Variants in ENTHD1 observed in about 807,000 individuals in gnomAD.
The protein encoded by ENTHD1 is ENTH domain-containing protein 1.
ENTHD1 carries 23 observed loss-of-function variants against 39.1 expected under a neutral mutation model. That is an observed-to-expected ratio of 0.59 (90% CI 0.42 to 0.83). The LOEUF is 0.83. Ranked by LOEUF, ENTHD1 falls within the 40% of genes least tolerant of loss-of-function variation. The pLI is 0.00. For synonymous variants in ENTHD1, 230 were observed against 258.2 expected, an observed-to-expected ratio of 0.89 and a Z score of 1.05; for missense variants, 624 against 705.4, an observed-to-expected ratio of 0.88 and a Z score of 1.31.
At chr22:39,765,961 A>G (rs2065273069) in intron 5 of ENTHD1, among the ~76,000 whole-genome samples, 1 of 147,690 alleles carries the variant, frequency 6.8e-6, no homozygotes, top group African/African-American at 2.5e-5. Flanking sequence ...TTTTTACAAG[A>G]TAAACTAGGG....
intron 5 of ENTHD1, among the ~76,000 whole-genome samples, chr22:39,768,654 T>C (rs1261643481): frequency 3.3e-5 from 5 of 152,184 alleles, no homozygotes; most frequent in Non-Finnish European, 7.3e-5. Context: ...TCCTGCATTC[T>C]GACTTTATAA....
At chr22:39,829,303 T>G (rs1411620414) in intron 4 of ENTHD1, among the ~76,000 whole-genome samples, 1 of 151,544 alleles carries the variant, frequency 6.6e-6, no homozygotes, top group Non-Finnish European at 1.5e-5. Context: ...TGAAATAAGA[T>G]GTAATGTAGA....
chr22:39,806,748 A>G (rs968452085), intron 5 of ENTHD1, among the ~76,000 whole-genome samples: 2 of 152,148 alleles, frequency 1.3e-5, no homozygotes, highest in African/African-American at 4.8e-5. Context: ...GTGTCTTCAG[A>G]GCCCAGAGGA....
intron 5 of ENTHD1, among the ~76,000 whole-genome samples, chr22:39,818,535 G>T (rs1452791840): frequency 1.3e-5 from 2 of 152,196 alleles, no homozygotes; most frequent in African/African-American, 4.8e-5. Context: ...GGCAGTTTTA[G>T]GTGATGAAGC....
chr22:39,830,014 G>C (rs1203060692), intron 4 of ENTHD1, among the ~76,000 whole-genome samples: 1 of 152,002 alleles, frequency 6.6e-6, no homozygotes, highest in Admixed American at 6.6e-5. Flanking sequence ...CCAAGTAGCT[G>C]GAACTACAGA....
At chr22:39,852,786 C>T (rs1226918311) in intron 3 of ENTHD1, among the ~76,000 whole-genome samples, 1 of 152,182 alleles carries the variant, frequency 6.6e-6, no homozygotes, top group Non-Finnish European at 1.5e-5. Context: ...GTATCATACA[C>T]GCAGTCCACC....
chr22:39,787,951 C>G (rs2065473012), intron 5 of ENTHD1, among the ~76,000 whole-genome samples: 1 of 152,108 alleles, frequency 6.6e-6, no homozygotes, highest in Non-Finnish European at 1.5e-5. Context: ...TGCTCCTTTC[C>G]CATTCCAAAA....
Position 39,887,670 on chromosome 22 carries a change from T to C in ENTHD1, c.79A>G (p.Asn27Asp), listed in dbSNP as rs374987068. The stretch of plus-strand genomic sequence containing the variant: ...GAACTAGAGGGACCCCAAGGGTCGT[T>C]AGAAGTTGCTTCCCTGACTTTTATT... Reference protein sequence around the residue: ...AEIKVREATSNDPWGPSSSLM... With the variant: ...AEIKVREATSDDPWGPSSSLM... The change falls in exon 2 of 7, where the codon AAC becomes GAC. Residue 27 changes from asparagine to aspartate, a missense_variant. By Grantham distance (23) the Asn-to-Asp change is conservative. Transcript: ENST00000325157. 2 of 1,605,088 alleles carry C rather than the reference T, an allele frequency of 1.2e-6. No homozygotes were observed. The highest frequency in any genetic ancestry group is 4.5e-5 in the East Asian group (2 of 44,836).
At chr22:39,856,869 G>A (rs77389521) in intron 3 of ENTHD1, among the ~76,000 whole-genome samples, 2,737 of 124,860 alleles carry the variant, frequency 0.022, 83 homozygotes, top group African/African-American at 0.066. Context: ...AAAAAAAAAA[G>A]AAAGAAAGAA....
At chr22:39,850,602 T>C (rs2066027360) in intron 3 of ENTHD1, among the ~76,000 whole-genome samples, 1 of 152,192 alleles carries the variant, frequency 6.6e-6, no homozygotes, top group Non-Finnish European at 1.5e-5. Flanking sequence ...TTCCACTTTA[T>C]GCTTTTTGCC....
At chr22:39,875,900 C>G in intron 2 of ENTHD1, 2 of 1,613,892 alleles carry the variant, frequency 1.2e-6, no homozygotes, top group Admixed American at 1.7e-5. Flanking sequence ...TGATCTAGAT[C>G]GAGTAAAGAA....
rs1484949691 is a variant in ENTHD1 at position 39,887,850 on chromosome 22, C to G, written c.-102G>C. 1 of 734,230 alleles carries G rather than the reference C, an allele frequency of 1.4e-6. No individual in the cohort carries two copies. The highest frequency in any genetic ancestry group is 2.2e-6 in the Non-Finnish European group (1 of 462,222). The allele number at this position is 734,230 out of a possible 1,614,324, so 45.5% of individuals were successfully genotyped here. On this transcript the variant is annotated 5_prime_UTR_variant, in exon 2 of 7. Transcript: ENST00000325157. ...CTTGACAGGTAATTGGTCCCCAGTT[C>G]TGCTGCTCCCAAATACAAATAATTA... is the stretch of plus-strand genomic sequence containing the variant.
chr22:39,851,679 A>T (rs1476184447), intron 3 of ENTHD1, among the ~76,000 whole-genome samples: 2 of 152,180 alleles, frequency 1.3e-5, no homozygotes, highest in Non-Finnish European at 2.9e-5. Context: ...CAGCCCCCAA[A>T]CTCATTCTCT....
At chr22:39,760,039 T>G (rs1156321967) in intron 6 of ENTHD1, among the ~76,000 whole-genome samples, 2 of 152,074 alleles carry the variant, frequency 1.3e-5, no homozygotes, top group Non-Finnish European at 2.9e-5. Context: ...GCAGTATGTG[T>G]TCTTTCTTGG....
At chr22:39,764,812 G>A (rs949425963) in intron 6 of ENTHD1, among the ~76,000 whole-genome samples, 19 of 151,616 alleles carry the variant, frequency 1.3e-4, no homozygotes, top group African/African-American at 4.1e-4. Context: ...TTTTAAAGGG[G>A]CACACATACA....
At chr22:39,813,069 C>G (rs187300250) in intron 5 of ENTHD1, among the ~76,000 whole-genome samples, 29 of 152,328 alleles carry the variant, frequency 1.9e-4, no homozygotes, top group Non-Finnish European at 4.0e-4. Flanking sequence ...AGGTGTGAGA[C>G]ACTGTGCCCG....
intron 2 of ENTHD1, among the ~76,000 whole-genome samples, chr22:39,868,178 C>T (rs981668214): frequency 6.6e-6 from 1 of 151,810 alleles, no homozygotes; most frequent in Non-Finnish European, 1.5e-5. Context: ...GGAGGATACA[C>T]ATGCAGTCTT....
intron 5 of ENTHD1, among the ~76,000 whole-genome samples, chr22:39,767,483 A>G (rs2065286051): frequency 6.6e-6 from 1 of 152,134 alleles, no homozygotes; most frequent in African/African-American, 2.4e-5. Context: ...AAAACAAAAC[A>G]AAACACCCAA....
At chr22:39,832,486 T>C (rs2065876725) in intron 4 of ENTHD1, among the ~76,000 whole-genome samples, 1 of 152,108 alleles carries the variant, frequency 6.6e-6, no homozygotes, top group African/African-American at 2.4e-5. Flanking sequence ...AGTAATCCAA[T>C]GTATATTTAA....
Sources: allele counts gnomAD v4.1 joint callset (sites outside exome capture counted in the v4.1 genomes callset), GRCh38; gene constraint gnomAD v4.1.1; transcripts MANE v1.5; gene names NCBI Gene and HGNC (gene_info 2026-07-23, HGNC 2026-07-21).